The following EXOC2 variants were observed in gnomAD, a reference collection of about 807,000 sequenced individuals.
The protein encoded by EXOC2 is exocyst complex component 2.
EXOC2 carries 70 observed loss-of-function variants against 131.8 expected under a neutral mutation model. The ratio of observed to expected loss-of-function variants is 0.53; its 90% CI spans 0.44 to 0.65. The LOEUF is 0.65. Among genes scored for constraint, EXOC2 ranks in the 30% least tolerant of loss-of-function variants. The pLI is 0.00. For missense variants in EXOC2, 923 were observed against 1,108.6 expected (o/e 0.83, Z 2.38); for synonymous variants, 411 against 398.4 (o/e 1.03, Z -0.38).
intron 21 of EXOC2, 129 bp from the exon 22 acceptor site, chr6:549,420 CT>C: frequency 1.6e-6 from 1 of 633,940 alleles, no homozygotes; most frequent in South Asian, 2.5e-5. Flanking sequence ...CTTTTCTTGG[CT>C]GCTTCTTTCC....
intron 11 of EXOC2, among the ~76,000 whole-genome samples, chr6:588,278 A>G (rs1759328312): frequency 6.6e-6 from 1 of 152,240 alleles, no homozygotes; most frequent in Non-Finnish European, 1.5e-5. Flanking sequence ...AAAAAATAAA[A>G]TGTGAATTTA....
At chr6:629,502 G>C (rs1761738657) in intron 4 of EXOC2, among the ~76,000 whole-genome samples, 1 of 152,136 alleles carries the variant, frequency 6.6e-6, no homozygotes, top group African/African-American at 2.4e-5. Flanking sequence ...CAAAAAAACA[G>C]ATTATGTATG....
At chr6:661,128 G>C (rs1763407900) in intron 1 of EXOC2, among the ~76,000 whole-genome samples, 1 of 152,148 alleles carries the variant, frequency 6.6e-6, no homozygotes, top group Admixed American at 6.5e-5. Flanking sequence ...TATGAACAAA[G>C]CCTCCAAGGA....
At chr6:660,133 C>T (rs1231720156) in intron 1 of EXOC2, among the ~76,000 whole-genome samples, 2 of 151,768 alleles carry the variant, frequency 1.3e-5, no homozygotes, top group South Asian at 2.1e-4. Flanking sequence ...AGCCATAATC[C>T]CCCTAGGTAC....
At chr6:580,039 G>A (rs1561882986) in intron 11 of EXOC2, among the ~76,000 whole-genome samples, 1 of 85,490 alleles carries the variant, frequency 1.2e-5, no homozygotes, top group African/African-American at 4.0e-5. Context: ...GCCGGGTGCA[G>A]TTTTTTTTGT....
At chr6:650,106 T>G (rs539756956) in intron 1 of EXOC2, among the ~76,000 whole-genome samples, 73 of 152,338 alleles carry the variant, frequency 4.8e-4, no homozygotes, top group African/African-American at 1.7e-3. Flanking sequence ...TTTTTTAAAT[T>G]TAAATTTTAT....
chr6:606,102 T>G (rs1197139339), intron 7 of EXOC2, among the ~76,000 whole-genome samples: 1 of 151,776 alleles, frequency 6.6e-6, no homozygotes, highest in South Asian at 2.1e-4. Context: ...AAAGGAAGAG[T>G]TCGTGTCCTT....
At chr6:593,125 T>C (rs901096467) in intron 10 of EXOC2, among the ~76,000 whole-genome samples, 2 of 152,212 alleles carry the variant, frequency 1.3e-5, no homozygotes, top group African/African-American at 2.4e-5. Context: ...AACAGCTCTT[T>C]GTAAAAAGAT....
At chr6:677,187 G>A (rs368370479) in intron 1 of EXOC2, among the ~76,000 whole-genome samples, 120 of 94,108 alleles carry the variant, frequency 1.3e-3, no homozygotes, top group African/African-American at 3.1e-3. Context: ...ATACTCTTCA[G>A]CATTACGGAA....
chr6:680,015 C>T (rs1472733854), intron 1 of EXOC2, among the ~76,000 whole-genome samples: 2 of 126,912 alleles, frequency 1.6e-5, no homozygotes, highest in African/African-American at 5.6e-5. Flanking sequence ...TGCTATACTC[C>T]GGATGACTAT....
intron 1 of EXOC2, among the ~76,000 whole-genome samples, chr6:677,749 G>A (rs888564506): frequency 1.3e-5 from 2 of 152,200 alleles, no homozygotes; most frequent in Non-Finnish European, 2.9e-5. Context: ...TTACAGGCAT[G>A]AGCCACTGCG....
At chr6:603,395 T>C (rs1760209813) in intron 7 of EXOC2, among the ~76,000 whole-genome samples, 1 of 149,890 alleles carries the variant, frequency 6.7e-6, no homozygotes, top group African/African-American at 2.5e-5. Context: ...TCATTAACAG[T>C]ACTGAAAGCC....
Position 564,119 on chromosome 6 carries a change from G to A in EXOC2, c.1703C>T (p.Pro568Leu). ...THESLTALEI[P>L]NDLLQTIQDL... ...CTGGATAGTCTGTAACAGGTCATTA[G>A]GAATTTCAAGGGCAGTCAACGATTC... Residue 568 changes from proline (P) to leucine (L), a missense_variant, in exon 16 of 28, where the codon CCT becomes CTT. Physicochemically the swap from Pro to Leu is moderately conservative, Grantham distance 98. Transcript: ENST00000230449. 1 of 1,614,158 alleles carries A rather than the reference G, an allele frequency of 6.2e-7. No homozygotes were observed. The highest frequency in any genetic ancestry group is 1.1e-5 in the South Asian group (1 of 91,060).
At chr6:688,016 ACAGCCCAGGT>A (rs1764744570) in intron 1 of EXOC2, among the ~76,000 whole-genome samples, 1 of 152,204 alleles carries the variant, frequency 6.6e-6, no homozygotes, top group Non-Finnish European at 1.5e-5. Context: ...GATGGGATCC[ACAGCCCAGGT>A]AGGAGATTGG....
chr6:650,787 GTAT>G (rs1762793529), intron 1 of EXOC2, among the ~76,000 whole-genome samples: 2 of 152,064 alleles, frequency 1.3e-5, no homozygotes, highest in African/African-American at 4.8e-5. Flanking sequence ...ATTTCTGTTG[GTAT>G]TATTAAGTAC....
chr6:572,399 C>G (rs527798497), intron 13 of EXOC2, 121 bp downstream of exon 13: 21 of 1,275,096 alleles, frequency 1.6e-5, no homozygotes, highest in Non-Finnish European at 2.0e-5. Context: ...TGATTTTAAA[C>G]TATGACGATG....
intron 17 of EXOC2, among the ~76,000 whole-genome samples, chr6:558,427 C>T (rs1757533007): frequency 6.6e-6 from 1 of 152,170 alleles, no homozygotes; most frequent in Non-Finnish European, 1.5e-5. Flanking sequence ...AACCTACCCA[C>T]CTCAGAAGGT....
At chr6:557,617 CAA>C (rs59474432) in intron 17 of EXOC2, among the ~76,000 whole-genome samples, 2 of 111,188 alleles carry the variant, frequency 1.8e-5, no homozygotes, top group African/African-American at 3.8e-5. Flanking sequence ...GACTTCATCT[CAA>C]AAAAAAAAAA....
intron 17 of EXOC2, among the ~76,000 whole-genome samples, chr6:557,006 T>A: frequency 6.6e-6 from 1 of 152,198 alleles, no homozygotes; most frequent in East Asian, 1.9e-4. Flanking sequence ...ACCTAGAGGA[T>A]GTACAGGATC....
Sources: gnomAD v4.1 joint callset for allele counts (sites outside exome capture counted in the v4.1 genomes callset) on GRCh38, gnomAD v4.1.1 for gene constraint, MANE v1.5 for transcripts, NCBI Gene and HGNC (gene_info 2026-07-23, HGNC 2026-07-21) for gene names.